The following AKAP7 variants were observed in gnomAD, a reference collection of about 807,000 sequenced individuals.
AKAP7 encodes the protein A-kinase anchoring protein 7, also known as A kinase (PRKA) anchor protein 7.
AKAP7 carries 39 observed loss-of-function variants against 39.5 expected under a neutral mutation model. The observed-to-expected ratio is 0.99, with a 90% CI of 0.76 to 1.29. The LOEUF (loss-of-function observed/expected upper bound fraction) is 1.29. Ranked by LOEUF, AKAP7 falls within the 50% of genes most tolerant of loss-of-function variation. The pLI, the probability that AKAP7 is intolerant of heterozygous loss-of-function variation, is 0.00. For synonymous variants in AKAP7, 140 were observed against 139.1 expected (o/e 1.01, Z -0.05); for missense variants, 414 against 407.7 (o/e 1.02, Z -0.13).
intron 7 of AKAP7, among the ~76,000 whole-genome samples, chr6:131,254,325 T>C (rs1157603692): frequency 6.6e-6 from 1 of 152,220 alleles, no homozygotes; most frequent in Non-Finnish European, 1.5e-5. Flanking sequence ...TTTATTTGAA[T>C]TACCTAATTT....
At chr6:131,233,841 C>A (rs754190547) in intron 7 of AKAP7, among the ~76,000 whole-genome samples, 4 of 152,116 alleles carry the variant, frequency 2.6e-5, no homozygotes, top group African/African-American at 4.8e-5. Flanking sequence ...TTAGAATTTA[C>A]GAAACCTCTA....
chr6:131,160,844 A>G (rs1243716660), intron 3 of AKAP7, among the ~76,000 whole-genome samples: 2 of 152,252 alleles, frequency 1.3e-5, no homozygotes, highest in Non-Finnish European at 2.9e-5. Context: ...ATAATAGGAA[A>G]TGGAACTAGC....
chr6:131,232,575 C>T (rs1810713281), intron 7 of AKAP7, among the ~76,000 whole-genome samples: 1 of 152,132 alleles, frequency 6.6e-6, no homozygotes, highest in Non-Finnish European at 1.5e-5. Context: ...CCTGTAATCA[C>T]AGCACCTTGG....
chr6:131,158,172 T>C (rs1562870777), intron 2 of AKAP7, among the ~76,000 whole-genome samples: 1 of 152,238 alleles, frequency 6.6e-6, no homozygotes, highest in Non-Finnish European at 1.5e-5. Flanking sequence ...TGTTAACTAG[T>C]TGTGCAGAAC....
chr6:131,191,845 G>GTT (rs34409067), intron 5 of AKAP7, among the ~76,000 whole-genome samples: 1,490 of 135,324 alleles, frequency 0.011, 22 homozygotes, highest in African/African-American at 0.035. Flanking sequence ...TCCTCGTGGT[G>GTT]TTTTTTTTTT....
chr6:131,237,691 C>A (rs1811187148), intron 7 of AKAP7, among the ~76,000 whole-genome samples: 1 of 152,040 alleles, frequency 6.6e-6, no homozygotes, highest in Non-Finnish European at 1.5e-5. Flanking sequence ...GTTTATTTGC[C>A]TAGAGGTGTT....
At position 131,207,517 on chromosome 6, in the gene AKAP7, T is replaced by TTTTTTTTTTTTA. The variant is rs1367120493; in HGVS notation, c.702+7944_702+7945insTTTTTTTTTTTA. On this transcript the variant is annotated intron_variant, in intron 6 of 7. Transcript: ENST00000431975. The stretch of plus-strand genomic sequence containing the variant: ...TTTTTTTTTTTTTTTTTTTTTTTTT[T>TTTTTTTTTTTTA]AGATATGGGGTGTTGCTATGTTGCC... Among the ~76,000 whole-genome samples, 301 of 141,618 alleles carry TTTTTTTTTTTTA rather than the reference T, an allele frequency of 2.1e-3. 4 individuals are homozygous for TTTTTTTTTTTTA. Among genetic ancestry groups the TTTTTTTTTTTTA allele is most frequent in the African/African-American group, 7.0e-3 (257 of 36,696 alleles). The allele number at this position is 141,618 out of a possible 152,430, so 92.9% of individuals were successfully genotyped here.
chr6:131,139,731 A>G (rs1314439981), intron 1 of AKAP7, among the ~76,000 whole-genome samples: 4 of 152,230 alleles, frequency 2.6e-5, no homozygotes, highest in East Asian at 1.9e-4. Context: ...AGTGCTAGGC[A>G]TGGAGGAATC....
intron 6 of AKAP7, among the ~76,000 whole-genome samples, chr6:131,205,570 ACTCT>A (rs925532755): frequency 2.0e-5 from 3 of 152,006 alleles, no homozygotes; most frequent in Non-Finnish European, 2.9e-5. Context: ...AAATACAGAA[ACTCT>A]CTCTCAAATG....
intron 5 of AKAP7, among the ~76,000 whole-genome samples, chr6:131,194,011 A>T (rs892927731): frequency 1.3e-5 from 2 of 151,636 alleles, no homozygotes; most frequent in South Asian, 2.1e-4. Context: ...CATTTTGTTG[A>T]TTTTTTTGTA....
At position 131,278,915 on chromosome 6, in the gene AKAP7, T is replaced by G. The variant is rs529436522; in HGVS notation, c.851-2615T>G. ...TTGCTGAAAGAGAGGGAGGGTCGTC[T>G]AGAAATTGGGAATGGTGTGGAAGCC... On this transcript the variant is annotated intron_variant, in intron 7 of 7. Coordinates refer to ENST00000431975, the MANE Select transcript of AKAP7 (RefSeq NM_016377.4). Among the ~76,000 whole-genome samples, 3 of 152,190 alleles carry G rather than the reference T, an allele frequency of 2.0e-5. No homozygotes were observed. In the East Asian group the frequency reaches 5.8e-4, roughly 29 times the overall value.
rs375395132 is a variant in AKAP7, at chr6:131,282,617, G to A, written c.*891G>A. 45 of 1,520,638 alleles carry A rather than the reference G, an allele frequency of 3.0e-5. No individual in the cohort carries two copies. The highest frequency in any genetic ancestry group is 2.9e-4 in the East Asian group (12 of 40,778). 94.2% of individuals were successfully genotyped at this position (1,520,638 alleles called of 1,614,324 possible). ...AACTTTGACATAAGCTCTACATTGC[G>A]ATTGTGACAACATAGCTTATGAAAT... On this transcript the variant is annotated 3_prime_UTR_variant, in exon 8 of 8. Coordinates refer to ENST00000431975, the MANE Select transcript of AKAP7 (RefSeq NM_016377.4).
At chr6:131,154,315 A>G (rs150684333) in intron 2 of AKAP7, among the ~76,000 whole-genome samples, 42 of 152,284 alleles carry the variant, frequency 2.8e-4, no homozygotes, top group Non-Finnish European at 5.1e-4. Flanking sequence ...TAGGTTTATG[A>G]GTCTCAATCT....
chr6:131,240,597 G>A (rs532019223), intron 7 of AKAP7, among the ~76,000 whole-genome samples: 9 of 152,304 alleles, frequency 5.9e-5, no homozygotes, highest in East Asian at 3.9e-4. Context: ...TACTCAAGCC[G>A]GGGCAATGGC....
chr6:131,142,605 C>T (rs562763368), intron 1 of AKAP7, among the ~76,000 whole-genome samples: 7 of 152,364 alleles, frequency 4.6e-5, no homozygotes, highest in Non-Finnish European at 1.0e-4. Context: ...GTGGAGCCCT[C>T]ACAGAGAAAC....
chr6:131,240,925 G>A (rs1384818714), intron 7 of AKAP7, among the ~76,000 whole-genome samples: 3 of 152,212 alleles, frequency 2.0e-5, no homozygotes, highest in Admixed American at 6.5e-5. Flanking sequence ...TGCACCCACT[G>A]TCCTGCACCC....
intron 3 of AKAP7, among the ~76,000 whole-genome samples, chr6:131,162,297 G>T (rs186883120): frequency 2.0e-5 from 3 of 152,176 alleles, no homozygotes; most frequent in African/African-American, 4.8e-5. Context: ...AGTCCTGTCC[G>T]CAGCTTTTAG....
chr6:131,263,603 G>C (rs1472343883), intron 7 of AKAP7, among the ~76,000 whole-genome samples: 1 of 152,198 alleles, frequency 6.6e-6, no homozygotes, highest in East Asian at 1.9e-4. Flanking sequence ...TGGAAATGAA[G>C]TGTCTTAAGG....
intron 5 of AKAP7, among the ~76,000 whole-genome samples, chr6:131,197,404 G>A (rs1217863863): frequency 1.3e-5 from 2 of 151,960 alleles, no homozygotes; most frequent in Non-Finnish European, 2.9e-5. Context: ...ATTTTCCATT[G>A]TAGTTGTGGC....
Sources: gnomAD v4.1 joint callset for allele counts (sites outside exome capture counted in the v4.1 genomes callset) on GRCh38, gnomAD v4.1.1 for gene constraint, MANE v1.5 for transcripts, NCBI Gene and HGNC (gene_info 2026-07-23, HGNC 2026-07-21) for gene names.